FAM168A: variants seen among roughly 807,000 people sequenced by gnomAD.
The protein encoded by FAM168A is family with sequence similarity 168 member A.
In FAM168A, 3 loss-of-function variants were observed where a neutral mutation model predicts 28.5. That is an observed-to-expected ratio of 0.11 (90% CI 0.05 to 0.27). FAM168A has a LOEUF of 0.27. Ranked by LOEUF, FAM168A falls within the 10% of genes least tolerant of loss-of-function variation. The pLI is 1.00. For synonymous variants in FAM168A, 122 were observed against 124.2 expected (o/e 0.98, Z 0.12); for missense variants, 222 against 311.5 (o/e 0.71, Z 2.16).
chr11:73,527,290 T>C (rs939891949), intron 1 of FAM168A, among the ~76,000 whole-genome samples: 4 of 152,112 alleles, frequency 2.6e-5, no homozygotes, highest in Non-Finnish European at 5.9e-5. Flanking sequence ...CACATAAAAC[T>C]GCCCCTAAAG....
At chr11:73,495,285 T>C (rs1270127023) in intron 1 of FAM168A, among the ~76,000 whole-genome samples, 1 of 152,162 alleles carries the variant, frequency 6.6e-6, no homozygotes, top group African/African-American at 2.4e-5. Context: ...GCCGAGATCG[T>C]GCCACTGCAC....
intron 1 of FAM168A, among the ~76,000 whole-genome samples, chr11:73,537,706 T>A (rs1943599641): frequency 6.6e-6 from 1 of 152,188 alleles, no homozygotes; most frequent in South Asian, 2.1e-4. Context: ...GGTTCTTTCA[T>A]TTTTCCTCCT....
chr11:73,585,871 C>A (rs1198607989), intron 1 of FAM168A, among the ~76,000 whole-genome samples: 1,626 of 81,466 alleles, frequency 0.02, no homozygotes, highest in Non-Finnish European at 0.026. Flanking sequence ...CCATCTCAAA[C>A]AAAAAAAAAA....
chr11:73,437,840 T>C (rs977169956), intron 2 of FAM168A, among the ~76,000 whole-genome samples: 2 of 152,130 alleles, frequency 1.3e-5, no homozygotes, highest in African/African-American at 4.8e-5. Flanking sequence ...TATGAAGATA[T>C]CCATGATTCC....
chr11:73,461,799 G>A (rs1867651285), intron 2 of FAM168A, among the ~76,000 whole-genome samples: 1 of 152,170 alleles, frequency 6.6e-6, no homozygotes, highest in Admixed American at 6.5e-5. Flanking sequence ...GTCCAGTTAA[G>A]AGGCAACTTA....
intron 2 of FAM168A, among the ~76,000 whole-genome samples, chr11:73,441,773 T>C (rs1157841424): frequency 6.6e-6 from 1 of 152,248 alleles, no homozygotes; most frequent in Non-Finnish European, 1.5e-5. Context: ...CTATTTCACC[T>C]AGGTGCCTAA....
In FAM168A at chr11:73,520,212, A is replaced by AT. The variant is rs560492931; in HGVS notation, c.-18-51721dup. On this transcript the variant is annotated intron_variant, in intron 1 of 7. Coordinates refer to ENST00000356467, the MANE Select transcript of FAM168A (RefSeq NM_015159.3). The stretch of plus-strand genomic sequence containing the variant: ...AGGCGTGCACCACCATGCCCAGCTA[A>AT]TTTTTTTTTTTATTTTTAGTAGAGA... Among the ~76,000 whole-genome samples the AT allele has an allele frequency of 6.1e-4, 89 of 146,806 alleles. 1 individual carries two copies. Among genetic ancestry groups the AT allele is most frequent in the African/African-American group, 1.7e-3 (67 of 40,166 alleles).
intron 1 of FAM168A, among the ~76,000 whole-genome samples, chr11:73,590,306 G>C (rs766319284): frequency 6.6e-6 from 1 of 152,200 alleles, no homozygotes; most frequent in African/African-American, 2.4e-5. Flanking sequence ...AGGAGGCTGA[G>C]GATGGAGGAT....
chr11:73,490,870 T>C (rs1371015274), intron 1 of FAM168A, among the ~76,000 whole-genome samples: 1 of 152,178 alleles, frequency 6.6e-6, no homozygotes, highest in Non-Finnish European at 1.5e-5. Context: ...GTAAGCTCCA[T>C]GGTGATTCAG....
At chr11:73,464,187 T>TA (rs60981662) in intron 2 of FAM168A, among the ~76,000 whole-genome samples, 13,056 of 136,436 alleles carry the variant, frequency 0.096, 637 homozygotes, top group Non-Finnish European at 0.12. Context: ...GAATTGTTAT[T>TA]AAAAAAAAAA....
rs1866395627 is a variant in FAM168A, at chr11:73,401,037, A to T, written c.*5726T>A. ...TCCGGACTGTGTTTTGAAAACACCT[A>T]TAAATTCTTTGATCAAACTACTTGG... is the stretch of plus-strand genomic sequence containing the variant. On this transcript the variant is annotated 3_prime_UTR_variant, in exon 8 of 8. Transcript: ENST00000356467. The T allele has an allele frequency of 1.3e-5, 2 of 151,584 alleles. No individual in the cohort carries two copies. The highest frequency in any genetic ancestry group is 4.8e-5 in the African/African-American group (2 of 41,302). The allele number at this position is 151,584 out of a possible 1,614,324, so 9.4% of individuals were successfully genotyped here. A position where few individuals can be genotyped will look rare whatever the true frequency, so the allele number is the denominator to read the frequency against.
At chr11:73,593,279 G>A (rs1249397812) in intron 1 of FAM168A, among the ~76,000 whole-genome samples, 1 of 152,112 alleles carries the variant, frequency 6.6e-6, no homozygotes, top group Non-Finnish European at 1.5e-5. Context: ...GTAGCAAGTA[G>A]AAAAGCCTTC....
At chr11:73,445,419 C>CTCTCTCTCTTTTTTTTTTT (rs776745757) in intron 2 of FAM168A, among the ~76,000 whole-genome samples, 4 of 50,432 alleles carry the variant, frequency 7.9e-5, no homozygotes, top group East Asian at 7.1e-4. Flanking sequence ...AAAAATGTCT[C>CTCTCTCTCTTTTTTTTTTT]TTTTTTTTTT....
chr11:73,550,129 GAC>G (rs776245599), intron 1 of FAM168A, among the ~76,000 whole-genome samples: 1 of 152,128 alleles, frequency 6.6e-6, no homozygotes, highest in Non-Finnish European at 1.5e-5. Context: ...ATAGTCACTT[GAC>G]ACACATTTTC....
chr11:73,544,984 T>TATATATAATATATA lies in FAM168A; in HGVS notation c.-19+52938_-19+52939insTATATATTATATAT, dbSNP rs1565291852. On this transcript the variant is annotated intron_variant, in intron 1 of 7. Transcript: ENST00000356467. ...ATATAATATATATTATATAATATAT[T>TATATATAATATATA]TTATATATAGTATATATAATATACT... 1.9e-3 allele frequency among the ~76,000 whole-genome samples: 132 copies of TATATATAATATATA among 68,838 alleles called. 2 individuals carry two copies. The highest frequency in any genetic ancestry group is 0.013 in the African/African-American group (125 of 9,798). The allele number at this position is 68,838 out of a possible 152,430, so 45.2% of individuals were successfully genotyped here.
intron 1 of FAM168A, among the ~76,000 whole-genome samples, chr11:73,589,875 C>T (rs1347122222): frequency 1.3e-5 from 2 of 151,652 alleles, no homozygotes; most frequent in South Asian, 2.1e-4. Context: ...TGCAGTGAGC[C>T]GAGATCCTGC....
At chr11:73,585,888 A>G (rs1944308555) in intron 1 of FAM168A, among the ~76,000 whole-genome samples, 1 of 148,402 alleles carries the variant, frequency 6.7e-6, no homozygotes. Context: ...AAAAAAAAAA[A>G]AAAAAGAGAT....
intron 3 of FAM168A, among the ~76,000 whole-genome samples, chr11:73,423,829 G>A (rs903861714): frequency 1.3e-5 from 2 of 152,152 alleles, no homozygotes; most frequent in Admixed American, 6.5e-5. Flanking sequence ...ACTAGTCTTC[G>A]TATTTTCAAA....
At chr11:73,438,180 G>A (rs1046173338) in intron 2 of FAM168A, among the ~76,000 whole-genome samples, 1 of 152,124 alleles carries the variant, frequency 6.6e-6, no homozygotes, top group African/African-American at 2.4e-5. Context: ...TGGCAAGCAG[G>A]GTGCTAGGTT....
Sources: allele counts gnomAD v4.1 joint callset (sites outside exome capture counted in the v4.1 genomes callset), GRCh38; gene constraint gnomAD v4.1.1; transcripts MANE v1.5; gene names NCBI Gene and HGNC (gene_info 2026-07-23, HGNC 2026-07-21).